SLC2A9: variants seen among roughly 807,000 people sequenced by gnomAD.
SLC2A9 encodes solute carrier family 2 member 9, also known as solute carrier family 2, facilitated glucose transporter member 9.
A neutral mutation model predicts 50.6 loss-of-function variants in SLC2A9; 39 were observed. The ratio of observed to expected loss-of-function variants is 0.77; its 90% CI spans 0.60 to 1.01. The LOEUF (loss-of-function observed/expected upper bound fraction) is 1.01. Ranked by LOEUF, SLC2A9 falls within the 50% of genes least tolerant of loss-of-function variation. The pLI is 0.00. For synonymous variants in SLC2A9, 324 were observed against 276.9 expected (o/e 1.17, Z -1.69); for missense variants, 686 against 677.6 (o/e 1.01, Z -0.14).
In SLC2A9 at chr4:9,782,565, A is replaced by G. The variant is rs752655773; in HGVS notation, n.386-2500T>C. Reference sequence around the variant, plus strand: ...ATCTCCTTCATTCCGGTCCAGCTCAACTGGCACAGGGACCAGGCGGCCTCT... The same window carrying G: ...ATCTCCTTCATTCCGGTCCAGCTCAGCTGGCACAGGGACCAGGCGGCCTCT... On this transcript the variant is annotated intron_variant and non_coding_transcript_variant, in intron 3 of 3. Coordinates refer to the SLC2A9 transcript ENST00000503803. 6.9e-5 allele frequency: 111 copies of G among 1,613,832 alleles called. No homozygotes were observed. Among genetic ancestry groups the G allele is most frequent in the Non-Finnish European group, 9.2e-5 (108 of 1,179,874 alleles).
chr4:9,869,952 G>A (rs1225331584), intron 10 of SLC2A9, among the ~76,000 whole-genome samples: 1 of 152,244 alleles, frequency 6.6e-6, no homozygotes, highest in African/African-American at 2.4e-5. Flanking sequence ...GGAGGACCTG[G>A]GTCCTAAATG....
At chr4:9,805,941 G>T (rs1195056544) in intron 3 of SLC2A9, among the ~76,000 whole-genome samples, 1 of 152,188 alleles carries the variant, frequency 6.6e-6, no homozygotes, top group African/African-American at 2.4e-5. Flanking sequence ...GGCAGGGCAG[G>T]TTAAGTAACC....
downstream of SLC2A9, among the ~76,000 whole-genome samples, chr4:9,778,052 CTTT>C (rs1560270680): frequency 6.7e-4 from 2 of 2,998 alleles, no homozygotes; most frequent in Admixed American, 2.2e-3. Context: ...TTCTTTCTTT[CTTT>C]CCTTCCTTCC....
chr4:9,865,696 CTG>C (rs1029976808), intron 10 of SLC2A9, among the ~76,000 whole-genome samples: 3 of 152,320 alleles, frequency 2.0e-5, no homozygotes, highest in African/African-American at 7.2e-5. Context: ...GAGGTGTAGC[CTG>C]TGTCTGACCC....
At chr4:9,904,906 A>G (rs1740345897) in intron 8 of SLC2A9, among the ~76,000 whole-genome samples, 1 of 152,150 alleles carries the variant, frequency 6.6e-6, no homozygotes, top group Non-Finnish European at 1.5e-5. Flanking sequence ...TTGCATCTCC[A>G]GCTCTTTGAG....
intron 3 of SLC2A9, among the ~76,000 whole-genome samples, chr4:9,781,203 A>G (rs1321182034): frequency 6.6e-6 from 1 of 152,150 alleles, no homozygotes. Flanking sequence ...CGCTGTGGAG[A>G]AGGAAACCAA....
chr4:10,029,546 A>T (rs531979010), intron 1 of SLC2A9, among the ~76,000 whole-genome samples: 778 of 57,112 alleles, frequency 0.014, 7 homozygotes, highest in South Asian at 0.048. Context: ...GGAATTTTTT[A>T]AATATTTTAT....
intron 3 of SLC2A9, among the ~76,000 whole-genome samples, chr4:9,799,692 A>ACCCAC (rs59100769): frequency 5.6e-4 from 39 of 69,862 alleles, no homozygotes; most frequent in African/African-American, 2.0e-3. Flanking sequence ...TTCCAATTGT[A>ACCCAC]CCCCCCCCCC....
At chr4:9,989,803 C>T (rs1490195226) in intron 3 of SLC2A9, among the ~76,000 whole-genome samples, 2 of 152,052 alleles carry the variant, frequency 1.3e-5, no homozygotes, top group African/African-American at 4.8e-5. Context: ...ATTATCTCTA[C>T]ACTGACCTCC....
At chr4:9,894,811 A>C (rs1738219568) in intron 8 of SLC2A9, among the ~76,000 whole-genome samples, 1 of 152,186 alleles carries the variant, frequency 6.6e-6, no homozygotes, top group South Asian at 2.1e-4. Context: ...CTGGTGCTGA[A>C]ATGACAACAG....
At chr4:9,907,697 T>A (rs954475869) in intron 8 of SLC2A9, among the ~76,000 whole-genome samples, 4 of 152,214 alleles carry the variant, frequency 2.6e-5, no homozygotes, top group Admixed American at 6.5e-5. Context: ...AGGGCATTCA[T>A]ATTTCATCAT....
chr4:9,891,668 A>C (rs948284684), intron 8 of SLC2A9, among the ~76,000 whole-genome samples: 5 of 152,196 alleles, frequency 3.3e-5, no homozygotes, highest in African/African-American at 1.2e-4. Flanking sequence ...TCACAGAGCA[A>C]GTAGGTGAGA....
chr4:9,940,250 G>C (rs553183006), intron 6 of SLC2A9, among the ~76,000 whole-genome samples: 113 of 152,260 alleles, frequency 7.4e-4, no homozygotes, highest in African/African-American at 2.6e-3. Context: ...TTTTACTCCA[G>C]AGACTCTGCC....
At chr4:9,984,446 G>A (rs1397963246) in intron 4 of SLC2A9, among the ~76,000 whole-genome samples, 3 of 152,182 alleles carry the variant, frequency 2.0e-5, no homozygotes, top group Non-Finnish European at 4.4e-5. Context: ...GAGAGAGAGA[G>A]ACAGAGTGTG....
chr4:9,814,833 C>A (rs1006584572), intron 3 of SLC2A9, among the ~76,000 whole-genome samples: 1 of 152,024 alleles, frequency 6.6e-6, no homozygotes, highest in Admixed American at 6.6e-5. Context: ...GGCTAAGAGA[C>A]AATGCAGTAG....
At chr4:9,782,539 C>T (rs149304627) in intron 3 of SLC2A9, 2 of 1,613,906 alleles carry the variant, frequency 1.2e-6, no homozygotes, top group South Asian at 1.1e-5. Context: ...TGTCCATCCT[C>T]ATCTCCTTCA....
intron 10 of SLC2A9, among the ~76,000 whole-genome samples, chr4:9,869,888 G>A (rs1733129392): frequency 6.6e-6 from 1 of 152,252 alleles, no homozygotes; most frequent in South Asian, 2.1e-4. Context: ...TCATCCTGGA[G>A]TGTGCAAATA....
intron 8 of SLC2A9, among the ~76,000 whole-genome samples, chr4:9,897,724 T>TA (rs558347396): frequency 6.6e-6 from 1 of 151,588 alleles, no homozygotes; most frequent in Non-Finnish European, 1.5e-5. Context: ...CTGTCTCTAC[T>TA]AAAAAAAATA....
intron 5 of SLC2A9, among the ~76,000 whole-genome samples, chr4:9,964,125 A>G (rs930549302): frequency 6.6e-6 from 1 of 152,186 alleles, no homozygotes. Flanking sequence ...GAATTCTTAC[A>G]AAAGAGTTGC....
Sources: allele counts gnomAD v4.1 joint callset (sites outside exome capture counted in the v4.1 genomes callset), GRCh38; gene constraint gnomAD v4.1.1; transcripts MANE v1.5; gene names NCBI Gene and HGNC (gene_info 2026-07-23, HGNC 2026-07-21).